The following WDR48 variants were observed in gnomAD, a reference collection of about 807,000 sequenced individuals.
WDR48 encodes WD repeat domain 48.
Under a neutral mutation model 94.0 loss-of-function variants are expected in WDR48, and 22 were observed. The observed-to-expected ratio is 0.23, with a 90% CI of 0.17 to 0.33. WDR48 has a LOEUF of 0.33. Ranked by LOEUF, WDR48 falls within the 10% of genes least tolerant of loss-of-function variation. The pLI is 1.00. For synonymous variants in WDR48, 278 were observed against 280.5 expected, an observed-to-expected ratio of 0.99 and a Z score of 0.09; for missense variants, 541 against 813.8, an observed-to-expected ratio of 0.66 and a Z score of 4.08.
At chr3:39,087,976 A>G in intron 14 of WDR48, 152 bp from the exon 15 acceptor site, 1 of 650,398 alleles carries the variant, frequency 1.5e-6, no homozygotes, top group Non-Finnish European at 2.6e-6. Context: ...TCAGAAATTT[A>G]ACTTGTTTTT....
At position 39,067,989 on chromosome 3, in the gene WDR48, C is replaced by CA. The variant is rs907643859; in HGVS notation, c.482-770dup. Among the ~76,000 whole-genome samples the CA allele has an allele frequency of 2.8e-3, 359 of 128,792 alleles. 4 individuals are homozygous for CA. Among genetic ancestry groups the CA allele is most frequent in the Admixed American group, 0.016 (202 of 12,932 alleles). 84.5% of individuals were successfully genotyped at this position (128,792 alleles called of 152,430 possible). On this transcript the variant is annotated intron_variant, in intron 5 of 18. Coordinates refer to ENST00000302313, the MANE Select transcript of WDR48 (RefSeq NM_020839.4). ...GAGACACTAATGGGAGGGAACAAAG[C>CA]AAAAAAAAAAAAGCAGGTTGTCACA...
At chr3:39,081,297 A>G (rs1470821627) in intron 11 of WDR48, among the ~76,000 whole-genome samples, 1 of 152,222 alleles carries the variant, frequency 6.6e-6, no homozygotes, top group East Asian at 1.9e-4. Flanking sequence ...GTTTCTTGCT[A>G]GGAAAAAGGG....
In WDR48 at chr3:39,061,434, CT is replaced by C. The variant is rs536090651; in HGVS notation, c.49-1610del. Among the ~76,000 whole-genome samples the C allele has an allele frequency of 1.6e-3, 239 of 152,248 alleles. 1 individual carries two copies. The highest frequency in any genetic ancestry group is 5.4e-3 in the African/African-American group (226 of 41,538). Reference sequence around the variant, plus strand: ...TCCCTGCAAAGGACATGAACTCATCCTTTTTTATGGCTGCATAGTATTCCAT... The same window carrying C: ...TCCCTGCAAAGGACATGAACTCATCCTTTTTATGGCTGCATAGTATTCCAT... On this transcript the variant is annotated intron_variant, in intron 1 of 18. Transcript: ENST00000302313.
In WDR48 at chr3:39,089,330, C is replaced by A. The variant is rs2034968487; in HGVS notation, c.1668+12C>A. On this transcript the variant is annotated intron_variant, in intron 16 of 18. Coordinates refer to ENST00000302313, the MANE Select transcript of WDR48 (RefSeq NM_020839.4). The stretch of plus-strand genomic sequence containing the variant: ...ACATCACTGTGGATGTAAGTATCCT[C>A]CACTCCCACTTTGCTCTTTTATTTT... 1 of 1,607,404 alleles carries A rather than the reference C, an allele frequency of 6.2e-7. No homozygotes were observed. Among genetic ancestry groups the A allele is most frequent in the Non-Finnish European group, 8.5e-7 (1 of 1,175,918 alleles).
chr3:39,052,090 C>T lies in WDR48; in HGVS notation c.48+17C>T. ...AAAGTGCAGGTATGGAAGCCCGGTT[C>T]CTCGGTCTTCCGGACGCGGCCGGCA... On this transcript the variant is annotated intron_variant, in intron 1 of 18. Transcript: ENST00000302313. 1.2e-6 allele frequency: 2 copies of T among 1,613,166 alleles called. No individual in the cohort carries two copies. Among genetic ancestry groups the T allele is most frequent in the Non-Finnish European group, 1.7e-6 (2 of 1,179,684 alleles).
chr3:39,087,614 G>A (rs1055525077), intron 14 of WDR48, among the ~76,000 whole-genome samples: 5 of 152,060 alleles, frequency 3.3e-5, no homozygotes, highest in Admixed American at 1.3e-4. Flanking sequence ...ATGAGACCCC[G>A]TCTCAAAGAA....
intron 2 of WDR48, among the ~76,000 whole-genome samples, chr3:39,065,246 G>A (rs1437811244): frequency 6.6e-6 from 1 of 152,158 alleles, no homozygotes; most frequent in East Asian, 1.9e-4. Context: ...TCAGCCGTTG[G>A]GTTTCCTTTC....
Position 39,088,152 on chromosome 3 carries a change from T to A in WDR48, c.1499T>A (p.Val500Glu), listed in dbSNP as rs766587223. Residue 500 changes from valine to glutamate, a missense_variant, in exon 15 of 19, where the codon GTG (valine) becomes GAG (glutamate). Transcript: ENST00000302313. ...NHVNGEQENR[V>E]QKGNGYFQVP... The stretch of plus-strand genomic sequence containing the variant: ...GTAAATGGGGAGCAGGAGAACCGAG[T>A]GCAGAAGGGAAATGGATATTTTCAA... 4.3e-6 allele frequency: 7 copies of A among 1,614,030 alleles called. No homozygotes were observed. The highest frequency in any genetic ancestry group is 5.9e-6 in the Non-Finnish European group (7 of 1,180,000).
At chr3:39,066,489 A>T (rs892180364) in intron 3 of WDR48, 59 bp from the exon 4 acceptor site, 18 of 1,398,222 alleles carry the variant, frequency 1.3e-5, no homozygotes, top group Middle Eastern at 2.1e-4. Flanking sequence ...TTGTAAGATA[A>T]GTTTTCAAAG....
intron 8 of WDR48, 93 bp from the exon 9 acceptor site, chr3:39,077,046 G>A (rs78976990): frequency 0.022 from 30,369 of 1,393,492 alleles, 924 homozygotes; most frequent in East Asian, 0.14. Context: ...CACAATTGTT[G>A]AATGAAGGAG....
At chr3:39,075,876 T>G (rs948241035) in intron 8 of WDR48, among the ~76,000 whole-genome samples, 2 of 151,960 alleles carry the variant, frequency 1.3e-5, no homozygotes, top group Non-Finnish European at 2.9e-5. Flanking sequence ...TTTTGTTTTT[T>G]TAGTAGAGAT....
At position 39,077,199 on chromosome 3, in the gene WDR48, A is replaced by T; in HGVS notation, c.958A>T (p.Thr320Ser). Residue 320 changes from threonine to serine, a missense_variant, in exon 9 of 19, where the codon ACA becomes TCA. Physicochemically the swap from Thr to Ser is moderately conservative, Grantham distance 58. Coordinates refer to ENST00000302313, the MANE Select transcript of WDR48 (RefSeq NM_020839.4). ...AATTTGGGTTGCAACAACTAAGTCT[A>T]CAGTAAATAAATGGGTAAGTGAGCT... ...PAIWVATTKS[T>S]VNKWTLKGIH... 6.2e-7 allele frequency: 1 copy of T among 1,614,132 alleles called. No homozygotes were observed.
In WDR48 at chr3:39,066,791, G is replaced by A; in HGVS notation, c.397G>A (p.Ala133Thr). The change falls in exon 5 of 19, where the codon GCA (alanine) becomes ACA (threonine). Residue 133 changes from alanine (A) to threonine (T), a missense_variant. By Grantham distance (58) the Ala-to-Thr change is moderately conservative. This residue lies in a region of WDR48 where 104 missense variants were observed against 189.7 expected (regional missense o/e 0.55). Transcript: ENST00000302313. ...ATATGCCAAGGATAAAGAACTAGTA[G>A]CATCAGCTGGGTTGGACAGACAAAT... is the stretch of plus-strand genomic sequence containing the variant. ...LAYAKDKELV[A>T]SAGLDRQIFL... 6.2e-7 allele frequency: 1 copy of A among 1,613,986 alleles called. No individual in the cohort carries two copies. The highest frequency in any genetic ancestry group is 8.5e-7 in the Non-Finnish European group (1 of 1,179,920).
At chr3:39,063,013 G>A (rs748467280) in intron 1 of WDR48, 37 bp from the exon 2 acceptor site, 1 of 1,611,706 alleles carries the variant, frequency 6.2e-7, no homozygotes, top group Non-Finnish European at 8.5e-7. Context: ...TGCATGGCTT[G>A]TACTTTATAA....
chr3:39,093,242 G>T (rs2035179588), intron 17 of WDR48, among the ~76,000 whole-genome samples: 1 of 152,194 alleles, frequency 6.6e-6, no homozygotes, highest in African/African-American at 2.4e-5. Flanking sequence ...AGCACTAAGA[G>T]TGTCGGACCC....
intron 15 of WDR48, among the ~76,000 whole-genome samples, chr3:39,088,764 C>T (rs1237460000): frequency 2.6e-5 from 4 of 152,058 alleles, no homozygotes; most frequent in East Asian, 3.9e-4. Context: ...CTGGTAGAGC[C>T]GGGGGAGAGC....
At chr3:39,062,350 T>G (rs1368940792) in intron 1 of WDR48, among the ~76,000 whole-genome samples, 1 of 152,256 alleles carries the variant, frequency 6.6e-6, no homozygotes, top group Non-Finnish European at 1.5e-5. Flanking sequence ...TTCTTAGGTG[T>G]AATTGTTTTC....
At chr3:39,059,899 C>G (rs2033145317) in intron 1 of WDR48, among the ~76,000 whole-genome samples, 1 of 151,974 alleles carries the variant, frequency 6.6e-6, no homozygotes, top group Non-Finnish European at 1.5e-5. Context: ...GGGTTTTTGG[C>G]CATTTCTTTT....
intron 17 of WDR48, among the ~76,000 whole-genome samples, chr3:39,092,497 G>A (rs1365756506): frequency 6.6e-6 from 1 of 152,144 alleles, no homozygotes; most frequent in East Asian, 1.9e-4. Flanking sequence ...TGGGATGGAG[G>A]GGCAGCAGGG....
Sources: gnomAD v4.1 joint callset for allele counts (sites outside exome capture counted in the v4.1 genomes callset) on GRCh38, gnomAD v4.1.1 for gene constraint, gnomAD v4.1.1 regional missense constraint, MANE v1.5 for transcripts, NCBI Gene and HGNC (gene_info 2026-07-23, HGNC 2026-07-21) for gene names.